The following ZNF341 variants were observed in gnomAD, a reference collection of about 807,000 sequenced individuals.
ZNF341 encodes zinc finger protein 341.
In ZNF341, 52 loss-of-function variants were observed where a neutral mutation model predicts 87.7. The observed-to-expected ratio is 0.59, with a 90% CI of 0.47 to 0.75. The LOEUF (loss-of-function observed/expected upper bound fraction) is 0.75, where lower values mean the gene tolerates loss of function less well. Ranked by LOEUF, ZNF341 falls within the 30% of genes least tolerant of loss-of-function variation. ZNF341 has a pLI of 0.00. For missense variants in ZNF341, 977 were observed against 1,145.9 expected (o/e 0.85, Z 2.13); for synonymous variants, 459 against 472.7 (o/e 0.97, Z 0.38).
chr20:33,771,188 T>G (rs1325253638), intron 10 of ZNF341, among the ~76,000 whole-genome samples: 2 of 152,102 alleles, frequency 1.3e-5, no homozygotes, highest in East Asian at 3.8e-4. Context: ...AAAATAATAT[T>G]CATTTGTTTT....
intron 1 of ZNF341, among the ~76,000 whole-genome samples, chr20:33,735,133 C>T (rs148096380): frequency 0.067 from 10,213 of 152,050 alleles, 503 homozygotes; most frequent in Middle Eastern, 0.15. Context: ...CAGGTTCAAG[C>T]GATTCTCCTG....
chr20:33,782,709 C>T (rs534832357), intron 11 of ZNF341, among the ~76,000 whole-genome samples: 7 of 152,298 alleles, frequency 4.6e-5, no homozygotes, highest in Non-Finnish European at 8.8e-5. Context: ...AGCTGGGAAA[C>T]GATGGGGCTA....
At chr20:33,757,063 T>C in intron 5 of ZNF341, 85 bp from the exon 6 acceptor site, 1 of 1,186,276 alleles carries the variant, frequency 8.4e-7, no homozygotes, top group Non-Finnish European at 1.1e-6. Context: ...CTGAGGTCAA[T>C]CAGGGAGGCA....
chr20:33,781,508 A>AG, intron 11 of ZNF341, 121 bp downstream of exon 11: 1 of 824,862 alleles, frequency 1.2e-6, no homozygotes, highest in East Asian at 2.6e-5. Flanking sequence ...GGCAGGGCTC[A>AG]GGGGCTGCTC....
intron 8 of ZNF341, among the ~76,000 whole-genome samples, chr20:33,764,985 G>A (rs2122693933): frequency 6.6e-6 from 1 of 151,432 alleles, no homozygotes; most frequent in African/African-American, 2.4e-5. Context: ...CACTGCGCCT[G>A]GCTAATTGTT....
Position 33,766,844 on chromosome 20 carries a change from T to A in ZNF341, c.1223-7T>A. The stretch of plus-strand genomic sequence containing the variant: ...CCTTGTCCTGACTTCCCTGGCTTTC[T>A]CCACAGGGTTGGGCCAGCCCCTGCC... On this transcript the variant is annotated splice_polypyrimidine_tract_variant and splice_region_variant and intron_variant, in intron 8 of 14. Transcript: ENST00000375200. 1 of 1,596,022 alleles carries A rather than the reference T, an allele frequency of 6.3e-7. No homozygotes were observed. Among genetic ancestry groups the A allele is most frequent in the South Asian group, 1.1e-5 (1 of 89,716 alleles).
rs750421208 is a variant in ZNF341 at position 33,781,373 on chromosome 20, C to T, written c.1705C>T (p.Pro569Ser). ...LQTATHNFPCPHCQKVFPCER... is the reference protein window; with the variant it reads ...LQTATHNFPCSHCQKVFPCER... ...GACCGCCACTCACAACTTCCCCTGC[C>T]CACACTGCCAGAAGGTGGGTGCCAC... Residue 569 changes from proline (P) to serine (S), a missense_variant, in exon 11 of 15, where the codon CCA (proline) becomes TCA (serine). Pro to Ser is a moderately conservative substitution (Grantham distance 74). Around this residue, in one of 3 missense-constraint regions of ZNF341, gnomAD observed 241 missense variants for 335.0 expected, o/e 0.72. Coordinates refer to ENST00000375200, the MANE Select transcript of ZNF341 (RefSeq NM_001282933.2). The T allele has an allele frequency of 2.4e-5, 39 of 1,614,006 alleles. No individual in the cohort carries two copies. The highest frequency in any genetic ancestry group is 3.2e-5 in the Non-Finnish European group (38 of 1,179,974).
intron 9 of ZNF341, among the ~76,000 whole-genome samples, chr20:33,768,153 C>T (rs1045443181): frequency 3.3e-5 from 5 of 151,626 alleles, no homozygotes; most frequent in Non-Finnish European, 5.9e-5. Flanking sequence ...GAGGCAGTCT[C>T]ACTCTGTCGC....
intron 3 of ZNF341, among the ~76,000 whole-genome samples, chr20:33,747,822 A>C: frequency 6.7e-6 from 1 of 148,846 alleles, no homozygotes; most frequent in Non-Finnish European, 1.5e-5. Context: ...CAGCCTCCTG[A>C]GTAGCTGGGA....
intron 1 of ZNF341, among the ~76,000 whole-genome samples, chr20:33,733,783 C>A (rs1302911708): frequency 6.6e-6 from 1 of 152,190 alleles, no homozygotes; most frequent in African/African-American, 2.4e-5. Flanking sequence ...CAGACACTCC[C>A]TGTAGTTTCT....
chr20:33,781,446 G>T, intron 11 of ZNF341, 59 bp downstream of exon 11: 1 of 1,490,752 alleles, frequency 6.7e-7, no homozygotes, highest in South Asian at 1.1e-5. Flanking sequence ...AGGAGGTGGG[G>T]TGGGGTGCAC....
chr20:33,767,481 G>A (rs1342310835), intron 9 of ZNF341, among the ~76,000 whole-genome samples: 1 of 151,928 alleles, frequency 6.6e-6, no homozygotes, highest in Admixed American at 6.6e-5. Context: ...TGTTGGCCAG[G>A]CTGGTCTCGA....
chr20:33,749,300 C>CA (rs199670752), intron 4 of ZNF341, among the ~76,000 whole-genome samples: 2 of 149,752 alleles, frequency 1.3e-5, no homozygotes, highest in Admixed American at 1.3e-4. Context: ...GCTATTTTGA[C>CA]TTTTTTTTTT....
chr20:33,733,090 A>G (rs960996223), intron 1 of ZNF341, among the ~76,000 whole-genome samples: 1 of 152,156 alleles, frequency 6.6e-6, no homozygotes, highest in Non-Finnish European at 1.5e-5. Context: ...TCTGTCGCCC[A>G]GGCTGGAGTG....
intron 10 of ZNF341, among the ~76,000 whole-genome samples, chr20:33,775,610 T>C (rs2019612776): frequency 6.6e-6 from 1 of 151,862 alleles, no homozygotes; most frequent in Non-Finnish European, 1.5e-5. Context: ...ACAGGAATTC[T>C]CCATCCACTG....
At chr20:33,741,560 C>T (rs894069417) in intron 2 of ZNF341, among the ~76,000 whole-genome samples, 4 of 152,040 alleles carry the variant, frequency 2.6e-5, no homozygotes, top group African/African-American at 9.7e-5. Context: ...TGCGCCACCA[C>T]GCCTGGCTAA....
At chr20:33,738,690 A>T (rs2018743100) in intron 1 of ZNF341, among the ~76,000 whole-genome samples, 1 of 152,222 alleles carries the variant, frequency 6.6e-6, no homozygotes, top group South Asian at 2.1e-4. Context: ...TAGAAGAGAT[A>T]GAGGGTGTAG....
At chr20:33,735,854 C>A (rs1304806679) in intron 1 of ZNF341, among the ~76,000 whole-genome samples, 2 of 152,016 alleles carry the variant, frequency 1.3e-5, no homozygotes, top group African/African-American at 4.8e-5. Flanking sequence ...ATCCTTGATG[C>A]CTGGCAACCA....
chr20:33,784,890 A>C (rs371765454), intron 12 of ZNF341, among the ~76,000 whole-genome samples: 1 of 152,140 alleles, frequency 6.6e-6, no homozygotes, highest in South Asian at 2.1e-4. Flanking sequence ...TGCTGGGATG[A>C]CAGGCGTGAG....
Sources: gnomAD v4.1 joint callset for allele counts (sites outside exome capture counted in the v4.1 genomes callset) on GRCh38, gnomAD v4.1.1 for gene constraint, gnomAD v4.1.1 regional missense constraint, MANE v1.5 for transcripts, NCBI Gene and HGNC (gene_info 2026-07-23, HGNC 2026-07-21) for gene names.